DLGAP4: variants seen among roughly 807,000 people sequenced by gnomAD.
DLGAP4 encodes the protein disks large-associated protein 4.
In DLGAP4, 18 loss-of-function variants were observed where a neutral mutation model predicts 86.9. The ratio of observed to expected loss-of-function variants is 0.21; its 90% CI spans 0.14 to 0.31. The LOEUF (loss-of-function observed/expected upper bound fraction) is 0.31. Among genes scored for constraint, DLGAP4 ranks in the 10% least tolerant of loss-of-function variants. DLGAP4 has a pLI of 1.00. For missense variants in DLGAP4, 1,085 were observed against 1,362.6 expected, an observed-to-expected ratio of 0.80 and a Z score of 3.21; for synonymous variants, 548 against 574.3, an observed-to-expected ratio of 0.95 and a Z score of 0.65.
intron 7 of DLGAP4, among the ~76,000 whole-genome samples, chr20:36,475,738 T>C (rs1473832490): frequency 1.3e-5 from 2 of 152,202 alleles, no homozygotes; most frequent in African/African-American, 4.8e-5. Context: ...TTTAAATATT[T>C]TATTTGTGAC....
chr20:36,399,742 C>T (rs1013850619), intron 2 of DLGAP4, among the ~76,000 whole-genome samples: 12 of 152,168 alleles, frequency 7.9e-5, no homozygotes, highest in Non-Finnish European at 2.9e-5. Flanking sequence ...AGTGCAGATT[C>T]GAGGATTCCA....
intron 10 of DLGAP4, among the ~76,000 whole-genome samples, chr20:36,519,007 C>T (rs999379730): frequency 7.3e-5 from 11 of 151,652 alleles, no homozygotes; most frequent in Non-Finnish European, 2.9e-5. Flanking sequence ...GTCCCAGCTA[C>T]TTGGGAGACT....
intron 7 of DLGAP4, among the ~76,000 whole-genome samples, chr20:36,495,186 A>G (rs1024125810): frequency 6.6e-6 from 1 of 152,090 alleles, no homozygotes; most frequent in African/African-American, 2.4e-5. Flanking sequence ...GAAAATGCCA[A>G]TGTATTTTCC....
chr20:36,458,454 T>C (rs2033938930), intron 7 of DLGAP4, among the ~76,000 whole-genome samples: 2 of 147,964 alleles, frequency 1.4e-5, no homozygotes, highest in South Asian at 4.4e-4. Flanking sequence ...CTTGAACTCC[T>C]GACCTCAGGT....
At chr20:36,453,483 C>G (rs2033794648) in intron 7 of DLGAP4, among the ~76,000 whole-genome samples, 1 of 151,922 alleles carries the variant, frequency 6.6e-6, no homozygotes, top group Non-Finnish European at 1.5e-5. Flanking sequence ...GAACCTGTCT[C>G]TACAAAATAA....
chr20:36,519,643 T>C (rs1003986111), intron 10 of DLGAP4, among the ~76,000 whole-genome samples: 8 of 152,244 alleles, frequency 5.3e-5, no homozygotes, highest in South Asian at 4.1e-4. Context: ...GGCAGATCTA[T>C]GTCTCGCTTT....
chr20:36,421,494 G>A (rs1417023527), intron 2 of DLGAP4, among the ~76,000 whole-genome samples: 1 of 151,852 alleles, frequency 6.6e-6, no homozygotes, highest in Non-Finnish European at 1.5e-5. Context: ...TTAGTCCAAG[G>A]GCCATGGGAG....
At chr20:36,450,586 C>T (rs2033712008) in intron 7 of DLGAP4, among the ~76,000 whole-genome samples, 1 of 152,268 alleles carries the variant, frequency 6.6e-6, no homozygotes, top group South Asian at 2.1e-4. Context: ...AGGTAGAAAA[C>T]TTTTATTCCC....
chr20:36,415,991 G>A (rs547506328), intron 2 of DLGAP4, among the ~76,000 whole-genome samples: 1 of 152,210 alleles, frequency 6.6e-6, no homozygotes, highest in African/African-American at 2.4e-5. Context: ...GTCCAGGGAA[G>A]AAGCTCAGAC....
intron 1 of DLGAP4, among the ~76,000 whole-genome samples, chr20:36,345,610 C>T (rs2029912598): frequency 2.0e-5 from 3 of 152,174 alleles, no homozygotes; most frequent in Admixed American, 1.3e-4. Flanking sequence ...TTGCCTATGG[C>T]GAATGTACAG....
chr20:36,376,039 C>T (rs115593709), intron 2 of DLGAP4, among the ~76,000 whole-genome samples: 3,018 of 152,134 alleles, frequency 0.02, 95 homozygotes, highest in African/African-American at 0.069. Context: ...CGATCTGTTG[C>T]CCAGGCTGGA....
chr20:36,512,047 A>ATTT lies in DLGAP4; in HGVS notation c.2512+11455_2512+11457dup, dbSNP rs72011781. 4.2e-3 allele frequency among the ~76,000 whole-genome samples: 491 copies of ATTT among 116,072 alleles called. 1 individual carries two copies. Among genetic ancestry groups the ATTT allele is most frequent in the Non-Finnish European group, 5.8e-3 (331 of 57,336 alleles). The allele number at this position is 116,072 out of a possible 152,430, so 76.1% of individuals were successfully genotyped here. ...TAAGAATGCCAATTTTGTCTCTCTGATTTTTTTTTTTTTTTTTTTTTGAGA... is the reference window on the plus strand; with the variant it reads ...TAAGAATGCCAATTTTGTCTCTCTGATTTTTTTTTTTTTTTTTTTTTTTTGAGA... On this transcript the variant is annotated intron_variant, in intron 10 of 12. Transcript: ENST00000339266.
In DLGAP4 at chr20:36,427,344, G is replaced by T. The variant is rs571276332; in HGVS notation, c.-72-4302G>T. Among the ~76,000 whole-genome samples, 11 of 152,190 alleles carry T rather than the reference G, an allele frequency of 7.2e-5. No homozygotes were observed. In the East Asian group the frequency reaches 2.1e-3, roughly 29 times the overall value. On this transcript the variant is annotated intron_variant, in intron 2 of 12. Transcript: ENST00000339266. ...ATTACAAAAATTAGCCGGATGTGGT[G>T]GCATGCACCTGTAGTCCCAGCTACT... is the stretch of plus-strand genomic sequence containing the variant.
intron 1 of DLGAP4, among the ~76,000 whole-genome samples, chr20:36,322,624 G>A (rs1364177408): frequency 2.0e-5 from 3 of 152,180 alleles, no homozygotes; most frequent in Non-Finnish European, 4.4e-5. Flanking sequence ...CTCATATAAT[G>A]TCACAGTCAT....
chr20:36,395,114 C>G (rs748330726), intron 2 of DLGAP4, among the ~76,000 whole-genome samples: 19 of 152,174 alleles, frequency 1.2e-4, no homozygotes, highest in Non-Finnish European at 2.8e-4. Flanking sequence ...TTCACCATTC[C>G]TCTACCAGGA....
At chr20:36,320,736 A>G (rs6025255) in intron 1 of DLGAP4, among the ~76,000 whole-genome samples, 64,659 of 151,884 alleles carry the variant, frequency 0.43, 16,175 homozygotes, top group African/African-American at 0.7. Flanking sequence ...GGGGCTGCTG[A>G]CTGGGTGAGG....
intron 6 of DLGAP4, among the ~76,000 whole-genome samples, chr20:36,443,416 C>A (rs1369649364): frequency 1.3e-5 from 2 of 152,160 alleles, no homozygotes; most frequent in Non-Finnish European, 2.9e-5. Flanking sequence ...ATCAACCCCA[C>A]TTTGTAGCCA....
At chr20:36,358,300 C>G (rs553163199) in intron 1 of DLGAP4, among the ~76,000 whole-genome samples, 3 of 152,212 alleles carry the variant, frequency 2.0e-5, no homozygotes, top group Non-Finnish European at 4.4e-5. Flanking sequence ...AGTCCATCCC[C>G]GTCCTCGTGG....
At chr20:36,327,622 C>G (rs1198200143) in intron 1 of DLGAP4, among the ~76,000 whole-genome samples, 1 of 136,760 alleles carries the variant, frequency 7.3e-6, no homozygotes, top group Admixed American at 7.4e-5. Context: ...GACGGAGTCT[C>G]GCTCTGTCGC....
Sources: gnomAD v4.1 joint callset for allele counts (sites outside exome capture counted in the v4.1 genomes callset) on GRCh38, gnomAD v4.1.1 for gene constraint, MANE v1.5 for transcripts, NCBI Gene and HGNC (gene_info 2026-07-23, HGNC 2026-07-21) for gene names.